The following ERCC8 variants were observed in gnomAD, a reference collection of about 807,000 sequenced individuals.
ERCC8 encodes DNA excision repair protein ERCC-8.
In ERCC8, 52 loss-of-function variants were observed where a neutral mutation model predicts 54.9. The ratio of observed to expected loss-of-function variants is 0.95; its 90% CI spans 0.76 to 1.19. The LOEUF is 1.19. Among genes scored for constraint, ERCC8 ranks in the 50% most tolerant of loss-of-function variants. The probability of loss-of-function intolerance (pLI) is 0.00; values close to 1 mark genes in which losing one functional copy is unlikely to be tolerated. For missense variants in ERCC8, 514 were observed against 466.1 expected (o/e 1.10, Z -0.95); for synonymous variants, 146 against 157.2 (o/e 0.93, Z 0.53).
In ERCC8 at chr5:60,935,904, G is replaced by T. The variant is rs908059647; in HGVS notation, c.78-6945C>A. On this transcript the variant is annotated intron_variant, in intron 1 of 11. Coordinates refer to ENST00000676185, the MANE Select transcript of ERCC8 (RefSeq NM_000082.4). ...GTATGAAACCCACTTGATCATGGTG[G>T]ATTATATTTTTTATATGCTGCTGGA... 6.6e-5 allele frequency among the ~76,000 whole-genome samples: 10 copies of T among 152,246 alleles called. No individual in the cohort carries two copies. In the East Asian group the frequency reaches 1.9e-3, roughly 29 times the overall value.
rs1398082468 is a variant in ERCC8, at chr5:60,912,519, G to C, written c.399+5746C>G. Among the ~76,000 whole-genome samples the C allele has an allele frequency of 4.6e-5, 7 of 151,966 alleles. 1 individual carries two copies. The highest frequency in any genetic ancestry group is 1.9e-4 in the East Asian group (1 of 5,180). On this transcript the variant is annotated intron_variant, in intron 4 of 11. Coordinates refer to ENST00000676185, the MANE Select transcript of ERCC8 (RefSeq NM_000082.4). ...CAGACGATGGGGTTTTCTAGATATAGAATCATGTCATCTGCAAACAGGGAG... is the reference window on the plus strand; with the variant it reads ...CAGACGATGGGGTTTTCTAGATATACAATCATGTCATCTGCAAACAGGGAG...
chr5:60,912,057 A>G (rs1749282711), intron 4 of ERCC8, among the ~76,000 whole-genome samples: 1 of 151,640 alleles, frequency 6.6e-6, no homozygotes. Context: ...TTGGCTTAGG[A>G]TTGTCTTGGT....
At position 60,874,571 on chromosome 5, in the gene ERCC8, T is replaced by C. The variant is rs778344145; in HGVS notation, c.*44A>G. The C allele has an allele frequency of 6.4e-6, 10 of 1,558,982 alleles. No homozygotes were observed. The African/African-American group carries it at 1.1e-4, about 17-fold the overall frequency. ...TACAGTTGAAAAAAACACAGTCTCA[T>C]TTAAAAAGTTTCAGCAGAGACAAAA... On this transcript the variant is annotated 3_prime_UTR_variant, in exon 12 of 12. Coordinates refer to ENST00000676185, the MANE Select transcript of ERCC8 (RefSeq NM_000082.4).
chr5:60,893,290 T>G, intron 9 of ERCC8: 1 of 981,408 alleles, frequency 1.0e-6, no homozygotes. Flanking sequence ...CCTGCAAAAC[T>G]TCTTCCTTAC....
At chr5:60,934,912 C>T (rs925568973) in intron 1 of ERCC8, among the ~76,000 whole-genome samples, 18 of 152,188 alleles carry the variant, frequency 1.2e-4, no homozygotes, top group Admixed American at 2.0e-4. Context: ...CACTCTGTTC[C>T]GTTGGTCTAT....
At chr5:60,894,521 A>C (rs1292613876) in intron 9 of ERCC8, among the ~76,000 whole-genome samples, 6 of 152,204 alleles carry the variant, frequency 3.9e-5, no homozygotes, top group Non-Finnish European at 8.8e-5. Context: ...TTTTACCTTT[A>C]TATAAATAAT....
intron 4 of ERCC8, among the ~76,000 whole-genome samples, chr5:60,913,940 T>G (rs1349325707): frequency 1.3e-5 from 2 of 152,128 alleles, no homozygotes; most frequent in Non-Finnish European, 1.5e-5. Context: ...TAATTTGATT[T>G]CACTGTGGTC....
chr5:60,927,768 G>A (rs1749793762), intron 2 of ERCC8, among the ~76,000 whole-genome samples: 1 of 152,100 alleles, frequency 6.6e-6, no homozygotes, highest in Admixed American at 6.5e-5. Context: ...AATAGAAGGT[G>A]TTACACTGAG....
At chr5:60,877,354 G>C (rs1369045841) in intron 11 of ERCC8, among the ~76,000 whole-genome samples, 1 of 152,174 alleles carries the variant, frequency 6.6e-6, no homozygotes, top group Non-Finnish European at 1.5e-5. Flanking sequence ...GATTGACTTG[G>C]CAATGCGGGC....
intron 11 of ERCC8, among the ~76,000 whole-genome samples, chr5:60,877,584 C>T (rs1748053777): frequency 6.6e-6 from 1 of 151,758 alleles, no homozygotes; most frequent in African/African-American, 2.4e-5. Flanking sequence ...TTGAAGAGGT[C>T]CTTCACATCC....
In ERCC8 at chr5:60,887,467, T is replaced by A; in HGVS notation, c.1095A>T (p.Leu365Phe). 1.2e-6 allele frequency: 2 copies of A among 1,613,850 alleles called. No individual in the cohort carries two copies. The highest frequency in any genetic ancestry group is 2.2e-5 in the South Asian group (2 of 91,078). Residue 365 changes from leucine (L) to phenylalanine (F), a missense_variant, in exon 11 of 12, where the codon TTA becomes TTT. Physicochemically the swap from Leu to Phe is conservative, Grantham distance 22 (BLOSUM62 0). Coordinates refer to ENST00000676185, the MANE Select transcript of ERCC8 (RefSeq NM_000082.4). ...CATCATCATCAGGAACTGGTTCATA[T>A]AAGGATGGAACCCAAGCCAGAATGT... Reference protein sequence around the residue: ...DCNILAWVPSLYEPVPDDDET... With the variant: ...DCNILAWVPSFYEPVPDDDET...
rs767368332 is a variant in ERCC8 at position 60,872,723 on chromosome 5, A to C, written c.*1892T>G. ...CTTGCATATTCTTGGTAGGAATGTA[A>C]ATTAGTACAGCCATTATGGAAGACA... On this transcript the variant is annotated 3_prime_UTR_variant, in exon 12 of 12. Transcript: ENST00000676185. Among the ~76,000 whole-genome samples, 8 of 152,212 alleles carry C rather than the reference A, an allele frequency of 5.3e-5. No individual in the cohort carries two copies. The highest frequency in any genetic ancestry group is 1.0e-4 in the Non-Finnish European group (7 of 68,024).
At chr5:60,893,605 C>T (rs1561499608) in intron 9 of ERCC8, 8 of 621,440 alleles carry the variant, frequency 1.3e-5, no homozygotes, top group Non-Finnish European at 2.4e-5. Context: ...CAGATAGGTT[C>T]GAATCCGCTT....
intron 4 of ERCC8, among the ~76,000 whole-genome samples, chr5:60,907,902 T>A (rs542197403): frequency 6.6e-6 from 1 of 152,326 alleles, no homozygotes; most frequent in Admixed American, 6.5e-5. Context: ...TAAATCACAC[T>A]ATTCTTCCAA....
intron 9 of ERCC8, chr5:60,891,862 A>AT: frequency 4.7e-6 from 2 of 421,986 alleles, no homozygotes; most frequent in Non-Finnish European, 9.3e-6. Context: ...GAACCAAACT[A>AT]TTTCACTGGT....
chr5:60,914,809 AG>A (rs1220341766), intron 4 of ERCC8, among the ~76,000 whole-genome samples: 22 of 149,304 alleles, frequency 1.5e-4, no homozygotes, highest in Admixed American at 5.4e-4. Flanking sequence ...AAAAAAAAAA[AG>A]GATATTGACT....
chr5:60,898,168 A>C (rs1430368351), intron 9 of ERCC8, 108 bp downstream of exon 9: 5 of 1,261,006 alleles, frequency 4.0e-6, no homozygotes, highest in Non-Finnish European at 5.6e-6. Context: ...TTTTAAAAAC[A>C]GCTGTGATTA....
Position 60,887,466 on chromosome 5 carries a change from A to T in ERCC8, c.1096T>A (p.Tyr366Asn). 1 of 1,613,814 alleles carries T rather than the reference A, an allele frequency of 6.2e-7. No individual in the cohort carries two copies. The highest frequency in any genetic ancestry group is 8.5e-7 in the Non-Finnish European group (1 of 1,179,702). The change falls in exon 11 of 12, where the codon TAT becomes AAT. Residue 366 changes from tyrosine (Y) to asparagine (N), a missense_variant. Transcript: ENST00000676185. ...TCATCATCATCAGGAACTGGTTCAT[A>T]TAAGGATGGAACCCAAGCCAGAATG... ...CNILAWVPSL[Y>N]EPVPDDDETT...
rs1747779852 is a variant in ERCC8 at position 60,867,567 on chromosome 5, AT to A, written c.*7047del. 6.6e-6 allele frequency among the ~76,000 whole-genome samples: 1 copy of A among 152,252 alleles called. No individual in the cohort carries two copies. The highest frequency in any genetic ancestry group is 1.5e-5 in the Non-Finnish European group (1 of 68,046). On this transcript the variant is annotated 3_prime_UTR_variant, in exon 12 of 12. Transcript: ENST00000676185. ...TGTAAGAAACCATTAGAATATTACA[AT>A]AAAAGTTAATAACTCAGTTCTCAAA...
Sources: allele counts gnomAD v4.1 joint callset (sites outside exome capture counted in the v4.1 genomes callset), GRCh38; gene constraint gnomAD v4.1.1; transcripts MANE v1.5; gene names NCBI Gene and HGNC (gene_info 2026-07-23, HGNC 2026-07-21).